The following WAC variants were observed in gnomAD, a reference collection of about 807,000 sequenced individuals.
The protein encoded by WAC is WW domain containing adaptor with coiled-coil.
A neutral mutation model predicts 79.6 loss-of-function variants in WAC; 11 were observed. The ratio of observed to expected loss-of-function variants is 0.14; its 90% CI spans 0.09 to 0.23. The LOEUF is 0.23. Ranked by LOEUF, WAC falls within the 10% of genes least tolerant of loss-of-function variation. The pLI, the probability that WAC is intolerant of heterozygous loss-of-function variation, is 1.00. For synonymous variants in WAC, 304 were observed against 276.9 expected (o/e 1.10, Z -0.97); for missense variants, 728 against 773.5 (o/e 0.94, Z 0.70).
intron 3 of WAC, among the ~76,000 whole-genome samples, chr10:28,580,101 C>G (rs1839458077): frequency 6.6e-6 from 1 of 152,146 alleles, no homozygotes; most frequent in Non-Finnish European, 1.5e-5. Context: ...ATCCAAAAAG[C>G]TCTTGTCTTT....
At chr10:28,533,758 C>CCG in intron 1 of WAC, 138 bp downstream of exon 1, 2 of 1,073,576 alleles carry the variant, frequency 1.9e-6, no homozygotes, top group Non-Finnish European at 2.6e-6. Context: ...GGAGGAGCGG[C>CCG]CGCGCGGGCG....
intron 12 of WAC, among the ~76,000 whole-genome samples, chr10:28,616,607 ATATT>A (rs765642689): frequency 2.0e-4 from 31 of 152,218 alleles, no homozygotes; most frequent in Non-Finnish European, 3.4e-4. Flanking sequence ...TTAATGCCTT[ATATT>A]TATTTTCTCT....
rs563342915 is a variant in WAC at position 28,567,250 on chromosome 10, C to T, written c.275-16149C>T. ...GTTTTTGGTTTCCTGAAATTTCTTTCGAAGTATATTTTCTTTATGTTGTAT... is the reference window on the plus strand; with the variant it reads ...GTTTTTGGTTTCCTGAAATTTCTTTTGAAGTATATTTTCTTTATGTTGTAT... On this transcript the variant is annotated intron_variant, in intron 3 of 13. Coordinates refer to ENST00000354911, the MANE Select transcript of WAC (RefSeq NM_016628.5). Among the ~76,000 whole-genome samples the T allele has an allele frequency of 1.6e-3, 232 of 147,180 alleles. 1 individual carries two copies. The highest frequency in any genetic ancestry group is 3.6e-3 in the Middle Eastern group (1 of 280).
intron 6 of WAC, among the ~76,000 whole-genome samples, chr10:28,594,999 A>C (rs771573987): frequency 8.5e-5 from 13 of 152,176 alleles, no homozygotes; most frequent in Non-Finnish European, 1.8e-4. Context: ...CTTTAAATTG[A>C]AAGAGGATTT....
chr10:28,623,069 T>A lies in WAC; in HGVS notation c.*3463T>A, dbSNP rs1279978732. 7 of 152,324 alleles carry A rather than the reference T, an allele frequency of 4.6e-5. No homozygotes were observed. Among genetic ancestry groups the A allele is most frequent in the African/African-American group, 1.7e-4 (7 of 41,564 alleles). 9.4% of individuals were successfully genotyped at this position (152,324 alleles called of 1,614,324 possible). A position where few individuals can be genotyped will look rare whatever the true frequency, so the allele number is the denominator to read the frequency against. ...AAGTCTTAGAATGCATAATTTGCAT[T>A]TGAGTAAGGAAATTTAAAATACAGA... On this transcript the variant is annotated 3_prime_UTR_variant, in exon 14 of 14. Transcript: ENST00000354911.
intron 8 of WAC, 52 bp downstream of exon 8, chr10:28,608,483 T>G (rs757570055): frequency 1.3e-6 from 2 of 1,484,388 alleles, no homozygotes; most frequent in Non-Finnish European, 1.8e-6. Context: ...TGCAAAGTTA[T>G]GTAAGTAGTA....
intron 5 of WAC, 132 bp downstream of exon 5, chr10:28,589,983 T>C (rs1281246032): frequency 1.6e-6 from 1 of 634,062 alleles, no homozygotes; most frequent in Non-Finnish European, 2.7e-6. Context: ...TTGCGGTGGT[T>C]GGTTGCCCCT....
intron 4 of WAC, 81 bp downstream of exon 4, chr10:28,583,586 C>G: frequency 1.1e-6 from 1 of 914,382 alleles, no homozygotes; most frequent in Non-Finnish European, 1.6e-6. Context: ...CATGGCAAGT[C>G]TTGTAAAATC....
chr10:28,603,772 A>C (rs932405490), intron 7 of WAC, among the ~76,000 whole-genome samples: 3 of 151,060 alleles, frequency 2.0e-5, no homozygotes, highest in African/African-American at 7.3e-5. Flanking sequence ...ATCTCTACTA[A>C]AAATACAAAA....
At chr10:28,596,851 C>T (rs774723875) in intron 7 of WAC, among the ~76,000 whole-genome samples, 1 of 152,118 alleles carries the variant, frequency 6.6e-6, no homozygotes, top group Non-Finnish European at 1.5e-5. Flanking sequence ...CATTAATTCA[C>T]ATTGATTCAA....
At position 28,595,765 on chromosome 10, in the gene WAC, T is replaced by C. The variant is rs779021353; in HGVS notation, c.643T>C (p.Leu215=). 1.2e-6 allele frequency: 2 copies of C among 1,614,048 alleles called. No individual in the cohort carries two copies. Among genetic ancestry groups the C allele is most frequent in the Non-Finnish European group, 8.5e-7 (1 of 1,179,974 alleles). The change falls in exon 7 of 14, where the codon TTG becomes CTG. Residue 215 remains leucine, a synonymous_variant. Coordinates refer to ENST00000354911, the MANE Select transcript of WAC (RefSeq NM_016628.5). ...EDKHSSDASS[L]LPQNILSQTS... ...CAAGCATTCCAGTGATGCCAGTAGT[T>C]TGCTCCCACAGAATATTTTGTCTCA...
At chr10:28,537,318 G>A (rs1836734534) in intron 3 of WAC, among the ~76,000 whole-genome samples, 1 of 152,118 alleles carries the variant, frequency 6.6e-6, no homozygotes, top group Admixed American at 6.5e-5. Flanking sequence ...GCCTGAGATG[G>A]TACTCTCTAT....
At chr10:28,587,442 A>G (rs934879945) in intron 4 of WAC, among the ~76,000 whole-genome samples, 3 of 152,230 alleles carry the variant, frequency 2.0e-5, no homozygotes, top group Non-Finnish European at 2.9e-5. Flanking sequence ...TAGTATTATT[A>G]TGAAAATAGT....
intron 10 of WAC, among the ~76,000 whole-genome samples, chr10:28,613,343 G>A (rs1181929843): frequency 6.6e-6 from 1 of 152,106 alleles, no homozygotes; most frequent in Non-Finnish European, 1.5e-5. Flanking sequence ...TCCAGCCTGG[G>A]CAAGAGAGTG....
chr10:28,586,279 C>G (rs933190269), intron 4 of WAC, among the ~76,000 whole-genome samples: 3 of 152,128 alleles, frequency 2.0e-5, no homozygotes, highest in Non-Finnish European at 2.9e-5. Context: ...TAATGTACTT[C>G]CCTGCTAAGT....
intron 3 of WAC, among the ~76,000 whole-genome samples, chr10:28,538,882 A>G (rs1836840669): frequency 6.6e-6 from 1 of 151,354 alleles, no homozygotes; most frequent in Admixed American, 6.6e-5. Flanking sequence ...AAAAAAAAAA[A>G]AAGAAAAAAA....
intron 3 of WAC, among the ~76,000 whole-genome samples, chr10:28,559,215 T>C (rs1838173484): frequency 6.6e-6 from 1 of 151,382 alleles, no homozygotes; most frequent in Middle Eastern, 3.4e-3. Flanking sequence ...GTGATAGTGC[T>C]GTCTTGTAGA....
chr10:28,592,205 T>C (rs1422384183), intron 6 of WAC, among the ~76,000 whole-genome samples: 5 of 152,238 alleles, frequency 3.3e-5, no homozygotes, highest in Non-Finnish European at 7.3e-5. Context: ...TCTTTTTATA[T>C]CTTAATAAAC....
intron 3 of WAC, among the ~76,000 whole-genome samples, chr10:28,580,926 G>A (rs1349909687): frequency 6.6e-6 from 1 of 152,092 alleles, no homozygotes; most frequent in African/African-American, 2.4e-5. Flanking sequence ...TACTACAGTG[G>A]ACAGGTGCAA....
Sources: allele counts gnomAD v4.1 joint callset (sites outside exome capture counted in the v4.1 genomes callset), GRCh38; gene constraint gnomAD v4.1.1; transcripts MANE v1.5; gene names NCBI Gene and HGNC (gene_info 2026-07-23, HGNC 2026-07-21).